TMEM163: variants seen among roughly 807,000 people sequenced by gnomAD.
TMEM163 encodes transmembrane protein 163.
TMEM163 carries 17 observed loss-of-function variants against 29.3 expected under a neutral mutation model. That is an observed-to-expected ratio of 0.58 (90% CI 0.40 to 0.87). TMEM163 has a LOEUF of 0.87. Ranked by LOEUF, TMEM163 falls within the 40% of genes least tolerant of loss-of-function variation. The pLI is 0.00. For synonymous variants in TMEM163, 157 were observed against 160.6 expected (o/e 0.98, Z 0.17); for missense variants, 303 against 381.5 (o/e 0.79, Z 1.71).
At chr2:134,519,449 C>T (rs1031770844) in intron 4 of TMEM163, among the ~76,000 whole-genome samples, 3 of 152,118 alleles carry the variant, frequency 2.0e-5, no homozygotes, top group East Asian at 1.9e-4. Context: ...CAGTGGCTCA[C>T]GCCTGTAATC....
At chr2:134,482,615 T>G (rs1457217179) in intron 5 of TMEM163, among the ~76,000 whole-genome samples, 2 of 152,256 alleles carry the variant, frequency 1.3e-5, no homozygotes, top group East Asian at 3.9e-4. Flanking sequence ...AAACAGTCAC[T>G]CTTGTCTTGA....
chr2:134,611,712 C>T (rs1365786715), intron 2 of TMEM163, among the ~76,000 whole-genome samples: 10 of 152,088 alleles, frequency 6.6e-5, no homozygotes, highest in South Asian at 2.1e-4. Context: ...TCTTGTAATC[C>T]GGAGGAGACC....
At chr2:134,510,801 G>A (rs80311431) in intron 4 of TMEM163, among the ~76,000 whole-genome samples, 3,259 of 152,212 alleles carry the variant, frequency 0.021, 94 homozygotes, top group Middle Eastern at 0.15. Flanking sequence ...GCCTCTTCCC[G>A]GCCTAGGCTC....
chr2:134,711,123 A>T (rs1684917200), intron 2 of TMEM163, among the ~76,000 whole-genome samples: 2 of 152,212 alleles, frequency 1.3e-5, no homozygotes, highest in Non-Finnish European at 2.9e-5. Context: ...ATATTGCTTA[A>T]TCTCTATTTA....
At chr2:134,589,662 T>C (rs929682820) in intron 2 of TMEM163, among the ~76,000 whole-genome samples, 1 of 152,212 alleles carries the variant, frequency 6.6e-6, no homozygotes, top group African/African-American at 2.4e-5. Context: ...AGTCCACCCA[T>C]TGTTTAGCAA....
rs1413561512 is a variant in TMEM163 at position 134,492,234 on chromosome 2, A to T, written c.555+10667T>A. On this transcript the variant is annotated intron_variant, in intron 5 of 7. Coordinates refer to ENST00000281924, the MANE Select transcript of TMEM163 (RefSeq NM_030923.5). The stretch of plus-strand genomic sequence containing the variant: ...GTGTATGTGTCACAATCAGGAAAAC[A>T]AAACCTCACTTCACAGCACCTTACA... 2.0e-5 allele frequency among the ~76,000 whole-genome samples: 3 copies of T among 152,350 alleles called. No individual in the cohort carries two copies. The East Asian group carries it at 5.8e-4, about 29-fold the overall frequency.
chr2:134,667,337 G>A (rs1386253740), intron 2 of TMEM163, among the ~76,000 whole-genome samples: 2 of 152,232 alleles, frequency 1.3e-5, no homozygotes, highest in Non-Finnish European at 2.9e-5. Context: ...TAGCCAATGG[G>A]ATCTGAGTGC....
intron 2 of TMEM163, among the ~76,000 whole-genome samples, chr2:134,670,989 T>G (rs987176786): frequency 2.0e-5 from 3 of 152,168 alleles, no homozygotes; most frequent in Admixed American, 2.0e-4. Flanking sequence ...AGGAACTCAA[T>G]CCCTGCCCTG....
At chr2:134,573,610 C>T (rs1047969043) in intron 2 of TMEM163, among the ~76,000 whole-genome samples, 1 of 152,148 alleles carries the variant, frequency 6.6e-6, no homozygotes, top group Admixed American at 6.5e-5. Flanking sequence ...AGATACAGGC[C>T]AATTCACATT....
At chr2:134,539,481 A>G (rs1680615378) in intron 4 of TMEM163, among the ~76,000 whole-genome samples, 1 of 152,184 alleles carries the variant, frequency 6.6e-6, no homozygotes, top group Non-Finnish European at 1.5e-5. Flanking sequence ...GCATAGAGGA[A>G]ATGAGAGCTT....
chr2:134,572,758 C>T (rs993204789), intron 2 of TMEM163, among the ~76,000 whole-genome samples: 1 of 152,182 alleles, frequency 6.6e-6, no homozygotes, highest in South Asian at 2.1e-4. Flanking sequence ...ATAAACCCTT[C>T]AGCGCTTAAT....
intron 4 of TMEM163, among the ~76,000 whole-genome samples, chr2:134,514,882 T>C (rs2106492436): frequency 6.6e-6 from 1 of 152,326 alleles, no homozygotes; most frequent in South Asian, 2.1e-4. Flanking sequence ...CCAGTGGTCC[T>C]AGGAGAGGAG....
chr2:134,714,344 G>A (rs1684993739), intron 1 of TMEM163, among the ~76,000 whole-genome samples: 1 of 152,174 alleles, frequency 6.6e-6, no homozygotes, highest in South Asian at 2.1e-4. Context: ...CATCAGAGTA[G>A]CTCCAAAGAA....
chr2:134,572,580 G>A (rs1372133645), intron 2 of TMEM163, among the ~76,000 whole-genome samples: 1 of 152,150 alleles, frequency 6.6e-6, no homozygotes, highest in Non-Finnish European at 1.5e-5. Context: ...CACAGAAGCA[G>A]TACTGTGGTT....
intron 2 of TMEM163, among the ~76,000 whole-genome samples, chr2:134,605,188 A>T (rs556487022): frequency 6.6e-6 from 1 of 152,024 alleles, no homozygotes; most frequent in South Asian, 2.1e-4. Context: ...AGCAAAAAAA[A>T]AAAAAAAACC....
intron 2 of TMEM163, among the ~76,000 whole-genome samples, chr2:134,638,831 AG>A: frequency 6.6e-6 from 1 of 152,348 alleles, no homozygotes; most frequent in Non-Finnish European, 1.5e-5. Context: ...AATTGAATGA[AG>A]GTGAGCTCCA....
intron 4 of TMEM163, among the ~76,000 whole-genome samples, chr2:134,535,991 G>C (rs980725419): frequency 6.6e-6 from 1 of 152,122 alleles, no homozygotes; most frequent in Non-Finnish European, 1.5e-5. Context: ...CCAAAGTGCT[G>C]GGATTATAGG....
At chr2:134,598,195 A>G (rs1213764216) in intron 2 of TMEM163, among the ~76,000 whole-genome samples, 1 of 152,156 alleles carries the variant, frequency 6.6e-6, no homozygotes, top group Non-Finnish European at 1.5e-5. Flanking sequence ...TCCCCTGTGT[A>G]AAATGCCCTG....
intron 2 of TMEM163, among the ~76,000 whole-genome samples, chr2:134,570,115 A>G (rs1002475400): frequency 6.6e-6 from 1 of 152,176 alleles, no homozygotes; most frequent in East Asian, 1.9e-4. Context: ...GGTATGCTGT[A>G]AAGTGCTTCC....
Sources: gnomAD v4.1 joint callset for allele counts (sites outside exome capture counted in the v4.1 genomes callset) on GRCh38, gnomAD v4.1.1 for gene constraint, MANE v1.5 for transcripts, NCBI Gene and HGNC (gene_info 2026-07-23, HGNC 2026-07-21) for gene names.